Variants in ARIH1 observed in about 807,000 individuals in gnomAD.
ARIH1 encodes the protein ariadne RBR E3 ubiquitin protein ligase 1.
In ARIH1, 8 loss-of-function variants were observed where a neutral mutation model predicts 85.0. The ratio of observed to expected loss-of-function variants is 0.09; its 90% CI spans 0.06 to 0.17. The LOEUF (loss-of-function observed/expected upper bound fraction) is 0.17. Ranked by LOEUF, ARIH1 falls within the 10% of genes least tolerant of loss-of-function variation. The pLI is 1.00. For synonymous variants in ARIH1, 238 were observed against 253.6 expected (o/e 0.94, Z 0.59); for missense variants, 311 against 718.1 (o/e 0.43, Z 6.48).
intron 1 of ARIH1, among the ~76,000 whole-genome samples, chr15:72,500,923 TTAATG>T (rs1036000159): frequency 1.3e-5 from 2 of 152,342 alleles, no homozygotes; most frequent in Admixed American, 6.5e-5. Context: ...TAAAAGTGAT[TTAATG>T]TAATCCTTAA....
At chr15:72,520,726 A>G (rs2063995855) in intron 2 of ARIH1, among the ~76,000 whole-genome samples, 1 of 152,180 alleles carries the variant, frequency 6.6e-6, no homozygotes, top group South Asian at 2.1e-4. Flanking sequence ...AAAAGTTTCT[A>G]ACAATATTTA....
rs1409944378 is a variant in ARIH1 at position 72,583,380 on chromosome 15, A to G, written c.*88A>G. 12 of 1,081,478 alleles carry G rather than the reference A, an allele frequency of 1.1e-5. No homozygotes were observed. The African/African-American group carries it at 1.7e-4, about 16-fold the overall frequency. The allele number at this position is 1,081,478 out of a possible 1,614,324, so 67.0% of individuals were successfully genotyped here. On this transcript the variant is annotated 3_prime_UTR_variant, in exon 14 of 14. Transcript: ENST00000379887. ...ACAAAACAAACACAAACAAGGAGGC[A>G]CTAAGCCTATTCTGACACCACTGGT...
Position 72,592,146 on chromosome 15 carries a change from A to G in ARIH1, c.*8854A>G, listed in dbSNP as rs964086645. On this transcript the variant is annotated 3_prime_UTR_variant, in exon 14 of 14. Transcript: ENST00000379887. ...TAAGTGCTGTACTTTAAGGAAGTCCATGTACAAGCCAGTGCCTTAACAATG... is the reference window on the plus strand; with the variant it reads ...TAAGTGCTGTACTTTAAGGAAGTCCGTGTACAAGCCAGTGCCTTAACAATG... The G allele has an allele frequency of 5.3e-5, 8 of 152,262 alleles. No individual in the cohort carries two copies. The highest frequency in any genetic ancestry group is 1.2e-4 in the Non-Finnish European group (8 of 68,036). The allele number at this position is 152,262 out of a possible 1,614,324, so 9.4% of individuals were successfully genotyped here. A position where few individuals can be genotyped will look rare whatever the true frequency, so the allele number is the denominator to read the frequency against.
In ARIH1 at chr15:72,510,773, C is replaced by CTT. The variant is rs1378355203; in HGVS notation, c.376-7290_376-7289dup. ...AAAAAAAAAAAAAAAAAAAAAAAGA[C>CTT]TTTTTCCCCGTTGAATTGTTTTATC... On this transcript the variant is annotated intron_variant, in intron 1 of 13. Transcript: ENST00000379887. Among the ~76,000 whole-genome samples the CTT allele has an allele frequency of 1.7e-4, 12 of 71,784 alleles. No homozygotes were observed. The South Asian group carries it at 4.4e-3, about 26-fold the overall frequency. The allele number at this position is 71,784 out of a possible 152,430, so 47.1% of individuals were successfully genotyped here. A position where few individuals can be genotyped will look rare whatever the true frequency, so the allele number is the denominator to read the frequency against.
chr15:72,596,800 CTAATA>C lies in ARIH1; in HGVS notation c.*13510_*13514del, dbSNP rs2064365144. The C allele has an allele frequency of 1.3e-5, 2 of 151,948 alleles. No individual in the cohort carries two copies. The highest frequency in any genetic ancestry group is 4.2e-4 in the South Asian group (2 of 4,816). The allele number at this position is 151,948 out of a possible 1,614,324, so 9.4% of individuals were successfully genotyped here. Reference sequence around the variant, plus strand: ...CATAGTTGTACTGAATTATTCATTTCTAATATTTTTATTTCTAGCATTTCATTATA... The same window carrying C: ...CATAGTTGTACTGAATTATTCATTTCTTTTTATTTCTAGCATTTCATTATA... On this transcript the variant is annotated 3_prime_UTR_variant, in exon 14 of 14. Transcript: ENST00000379887.
chr15:72,583,087 A>T lies in ARIH1; in HGVS notation c.1590-121A>T, dbSNP rs371984917. 7.4e-5 allele frequency: 50 copies of T among 677,632 alleles called. 2 individuals are homozygous for T. The highest frequency in any genetic ancestry group is 3.6e-4 in the Admixed American group (13 of 35,686). The allele number at this position is 677,632 out of a possible 1,614,324, so 42.0% of individuals were successfully genotyped here. Reference sequence around the variant, plus strand: ...CTGAACATGTGCCTATTAAAATAAAAAATAGGTGCTTGGTTCCGAGTCTGG... The same window carrying T: ...CTGAACATGTGCCTATTAAAATAAATAATAGGTGCTTGGTTCCGAGTCTGG... On this transcript the variant is annotated intron_variant, in intron 13 of 13. Coordinates refer to ENST00000379887, the MANE Select transcript of ARIH1 (RefSeq NM_005744.5).
chr15:72,478,308 G>A (rs1246102910), intron 1 of ARIH1, among the ~76,000 whole-genome samples: 1 of 151,610 alleles, frequency 6.6e-6, no homozygotes, highest in Non-Finnish European at 1.5e-5. Flanking sequence ...GTAGAGAGGG[G>A]GTTTCACCAT....
Position 72,599,981 on chromosome 15 carries a change from C to G in ARIH1, c.*16689C>G, listed in dbSNP as rs1376250107. The G allele has an allele frequency of 2.0e-5, 3 of 152,216 alleles. No homozygotes were observed. Among genetic ancestry groups the G allele is most frequent in the Admixed American group, 6.5e-5 (1 of 15,286 alleles). 9.4% of individuals were successfully genotyped at this position (152,216 alleles called of 1,614,324 possible). A position where few individuals can be genotyped will look rare whatever the true frequency, so the allele number is the denominator to read the frequency against. On this transcript the variant is annotated 3_prime_UTR_variant, in exon 14 of 14. Coordinates refer to ENST00000379887, the MANE Select transcript of ARIH1 (RefSeq NM_005744.5). ...TATTTCCCAGTGTTGGCTGGACTCT[C>G]AAGCGTTTGTGGTATAGGTTTTGGG...
At chr15:72,539,837 G>T (rs372663465) in intron 2 of ARIH1, among the ~76,000 whole-genome samples, 2 of 152,162 alleles carry the variant, frequency 1.3e-5, no homozygotes, top group Admixed American at 6.5e-5. Flanking sequence ...ATATTGAGGA[G>T]GGAAGGGATT....
chr15:72,522,457 T>G (rs1595860320), intron 2 of ARIH1, among the ~76,000 whole-genome samples: 1 of 151,674 alleles, frequency 6.6e-6, no homozygotes, highest in Non-Finnish European at 1.5e-5. Flanking sequence ...GAGGCTGAGG[T>G]TGTGGTGAGC....
intron 2 of ARIH1, among the ~76,000 whole-genome samples, chr15:72,529,413 A>G (rs1008767276): frequency 6.6e-6 from 1 of 152,174 alleles, no homozygotes; most frequent in African/African-American, 2.4e-5. Context: ...AATTTTTTGT[A>G]GAGATGGGAC....
intron 11 of ARIH1, among the ~76,000 whole-genome samples, chr15:72,578,263 G>T (rs987089574): frequency 2.0e-5 from 3 of 152,152 alleles, no homozygotes; most frequent in Non-Finnish European, 4.4e-5. Context: ...TCTCTACCAG[G>T]AGTTTATTGT....
intron 2 of ARIH1, among the ~76,000 whole-genome samples, chr15:72,535,055 C>T (rs1199845804): frequency 6.8e-6 from 1 of 147,638 alleles, no homozygotes; most frequent in African/African-American, 2.4e-5. Context: ...GGGTTCATGC[C>T]ATTCTCCTGC....
At chr15:72,503,021 C>G (rs898035224) in intron 1 of ARIH1, among the ~76,000 whole-genome samples, 1 of 152,276 alleles carries the variant, frequency 6.6e-6, no homozygotes, top group Admixed American at 6.5e-5. Flanking sequence ...TTAAAATGCA[C>G]ATACTTTTAA....
intron 3 of ARIH1, among the ~76,000 whole-genome samples, chr15:72,549,401 TA>T (rs1158973536): frequency 1.3e-5 from 2 of 152,162 alleles, no homozygotes; most frequent in African/African-American, 4.8e-5. Flanking sequence ...GTCTCATTTT[TA>T]TGAAGTAAAT....
At chr15:72,574,901 C>G in intron 11 of ARIH1, among the ~76,000 whole-genome samples, 1 of 123,890 alleles carries the variant, frequency 8.1e-6, no homozygotes, top group Non-Finnish European at 1.7e-5. Flanking sequence ...AAGACCCCCC[C>G]GCCGCCCCCG....
At chr15:72,537,773 A>G (rs950567824) in intron 2 of ARIH1, among the ~76,000 whole-genome samples, 17 of 152,194 alleles carry the variant, frequency 1.1e-4, no homozygotes, top group South Asian at 2.1e-4. Flanking sequence ...TGTCAGAACT[A>G]TAAGGTATAG....
At chr15:72,539,429 G>T (rs375172615) in intron 2 of ARIH1, among the ~76,000 whole-genome samples, 20 of 151,842 alleles carry the variant, frequency 1.3e-4, no homozygotes, top group African/African-American at 4.8e-4. Flanking sequence ...ACAACAGAAG[G>T]TGAAAAGGGA....
intron 3 of ARIH1, among the ~76,000 whole-genome samples, chr15:72,552,017 G>A (rs907707730): frequency 5.3e-5 from 8 of 152,058 alleles, no homozygotes; most frequent in African/African-American, 7.2e-5. Context: ...ACTCTTGCAC[G>A]GCATAAATGA....
Sources: allele counts gnomAD v4.1 joint callset (sites outside exome capture counted in the v4.1 genomes callset), GRCh38; gene constraint gnomAD v4.1.1; transcripts MANE v1.5; gene names NCBI Gene and HGNC (gene_info 2026-07-23, HGNC 2026-07-21).